Variants in ASAP1 observed in about 807,000 individuals in gnomAD.
ASAP1 encodes arf-GAP with SH3 domain, ANK repeat and PH domain-containing protein 1.
ASAP1 carries 43 observed loss-of-function variants against 145.2 expected under a neutral mutation model. That is an observed-to-expected ratio of 0.30 (90% CI 0.23 to 0.38). The LOEUF (loss-of-function observed/expected upper bound fraction) is 0.38. Among genes scored for constraint, ASAP1 ranks in the 10% least tolerant of loss-of-function variants. The probability of loss-of-function intolerance (pLI) is 1.00; values close to 1 mark genes in which losing one functional copy is unlikely to be tolerated. For missense variants in ASAP1, 1,018 were observed against 1,355.3 expected (o/e 0.75, Z 3.91); for synonymous variants, 546 against 515.5 (o/e 1.06, Z -0.80).
intron 24 of ASAP1, among the ~76,000 whole-genome samples, chr8:130,105,992 A>G (rs2097536308): frequency 6.6e-6 from 1 of 152,240 alleles, no homozygotes; most frequent in Non-Finnish European, 1.5e-5. Context: ...TGCCAGAGGC[A>G]CAACAAGGAT....
intron 2 of ASAP1, among the ~76,000 whole-genome samples, chr8:130,366,398 C>A (rs908812194): frequency 6.6e-6 from 1 of 152,190 alleles, no homozygotes; most frequent in African/African-American, 2.4e-5. Context: ...CCAGCACATG[C>A]AGAGTGTAGG....
intron 3 of ASAP1, among the ~76,000 whole-genome samples, chr8:130,335,680 T>C (rs1824988399): frequency 6.6e-6 from 1 of 152,176 alleles, no homozygotes; most frequent in East Asian, 1.9e-4. Context: ...TGATCAAGAG[T>C]ACAGCAGCCC....
chr8:130,329,789 A>C (rs1199228368), intron 3 of ASAP1, among the ~76,000 whole-genome samples: 2 of 152,240 alleles, frequency 1.3e-5, no homozygotes, highest in Non-Finnish European at 2.9e-5. Context: ...GCACTTCTCT[A>C]CTAGGGCAGC....
chr8:130,213,932 C>T (rs780427994), intron 5 of ASAP1, among the ~76,000 whole-genome samples: 4 of 152,178 alleles, frequency 2.6e-5, no homozygotes, highest in African/African-American at 4.8e-5. Context: ...CACCCCCATC[C>T]CTGGGTCTGC....
intron 3 of ASAP1, among the ~76,000 whole-genome samples, chr8:130,266,655 C>CAGTT (rs1447009304): frequency 6.6e-6 from 1 of 151,724 alleles, no homozygotes; most frequent in Non-Finnish European, 1.5e-5. Context: ...AGAGAACCAA[C>CAGTT]AGTTATAAAA....
chr8:130,302,716 C>T (rs960233207), intron 3 of ASAP1, among the ~76,000 whole-genome samples: 5 of 152,184 alleles, frequency 3.3e-5, no homozygotes, highest in African/African-American at 9.7e-5. Flanking sequence ...ATTAAACAAA[C>T]GGTTCTCTGG....
At chr8:130,170,104 A>G (rs890855958) in intron 9 of ASAP1, among the ~76,000 whole-genome samples, 18 of 152,332 alleles carry the variant, frequency 1.2e-4, no homozygotes, top group African/African-American at 4.3e-4. Flanking sequence ...GAGGACCTTG[A>G]GCATGAGGAC....
chr8:130,175,098 TTTTTG>T (rs1813861184), intron 9 of ASAP1, among the ~76,000 whole-genome samples: 1 of 152,198 alleles, frequency 6.6e-6, no homozygotes, highest in Non-Finnish European at 1.5e-5. Context: ...ACCAAGACTT[TTTTTG>T]TTTTAATTAC....
chr8:130,185,058 A>G (rs1814626121), intron 7 of ASAP1, among the ~76,000 whole-genome samples: 1 of 152,212 alleles, frequency 6.6e-6, no homozygotes, highest in Non-Finnish European at 1.5e-5. Flanking sequence ...AAACTAATAA[A>G]TGAACTTTTT....
chr8:130,191,478 A>C (rs548453761), intron 5 of ASAP1, among the ~76,000 whole-genome samples: 8 of 152,326 alleles, frequency 5.3e-5, no homozygotes, highest in African/African-American at 7.2e-5. Context: ...ACTACACTAG[A>C]AGCTTGATAG....
chr8:130,438,307 C>T (rs78543586), intron 1 of ASAP1, among the ~76,000 whole-genome samples: 8,204 of 152,194 alleles, frequency 0.054, 521 homozygotes, highest in African/African-American at 0.15. Flanking sequence ...GCCACCAGTG[C>T]GCCAGGCCCT....
At chr8:130,212,885 C>G (rs1354678050) in intron 5 of ASAP1, among the ~76,000 whole-genome samples, 1 of 152,166 alleles carries the variant, frequency 6.6e-6, no homozygotes, top group Non-Finnish European at 1.5e-5. Context: ...TTGACTTAAG[C>G]CAATACATTT....
chr8:130,402,919 GGTTTT>G (rs869181522), intron 1 of ASAP1, among the ~76,000 whole-genome samples: 2 of 148,262 alleles, frequency 1.3e-5, no homozygotes, highest in African/African-American at 4.9e-5. Context: ...TCTTTTGTGG[GGTTTT>G]TTTTTTTTTA....
intron 3 of ASAP1, among the ~76,000 whole-genome samples, chr8:130,329,684 A>C (rs1824557937): frequency 1.3e-5 from 2 of 152,232 alleles, no homozygotes; most frequent in Admixed American, 1.3e-4. Context: ...TTTACATTTT[A>C]AGAAAAAACA....
intron 3 of ASAP1, among the ~76,000 whole-genome samples, chr8:130,263,965 C>T (rs114252520): frequency 1.3e-5 from 2 of 152,196 alleles, no homozygotes; most frequent in Admixed American, 1.3e-4. Flanking sequence ...TTGCCACAGA[C>T]CTCTGTGGTG....
intron 4 of ASAP1, among the ~76,000 whole-genome samples, chr8:130,223,014 A>G (rs1020778766): frequency 6.6e-6 from 1 of 152,158 alleles, no homozygotes; most frequent in Non-Finnish European, 1.5e-5. Flanking sequence ...AGGGGCCTTA[A>G]TTTCTTCATA....
intron 3 of ASAP1, among the ~76,000 whole-genome samples, chr8:130,337,001 G>A (rs1036848522): frequency 2.0e-5 from 3 of 152,116 alleles, no homozygotes; most frequent in Admixed American, 1.3e-4. Context: ...GAAGGATCCT[G>A]GGACTTCCCA....
At chr8:130,185,430 T>C (rs539866947) in intron 7 of ASAP1, among the ~76,000 whole-genome samples, 1 of 152,000 alleles carries the variant, frequency 6.6e-6, no homozygotes, top group South Asian at 2.1e-4. Context: ...TAGAGGACAA[T>C]ACAGAAAAAT....
intron 13 of ASAP1, among the ~76,000 whole-genome samples, chr8:130,150,053 A>G (rs2097642462): frequency 6.6e-6 from 1 of 152,250 alleles, no homozygotes; most frequent in Non-Finnish European, 1.5e-5. Context: ...TAACGGTAAT[A>G]GCAGCAATAA....
Sources: allele counts gnomAD v4.1 joint callset (sites outside exome capture counted in the v4.1 genomes callset), GRCh38; gene constraint gnomAD v4.1.1; transcripts MANE v1.5; gene names NCBI Gene and HGNC (gene_info 2026-07-23, HGNC 2026-07-21).